Variants in DDAH1 observed in about 807,000 individuals in gnomAD.
DDAH1 encodes the protein dimethylarginine dimethylaminohydrolase 1.
In DDAH1, 19 loss-of-function variants were observed where a neutral mutation model predicts 28.8. The ratio of observed to expected loss-of-function variants is 0.66; its 90% CI spans 0.46 to 0.97. DDAH1 has a LOEUF of 0.97. Among genes scored for constraint, DDAH1 ranks in the 50% least tolerant of loss-of-function variants. DDAH1 has a pLI of 0.00. For synonymous variants in DDAH1, 153 were observed against 154.4 expected, an observed-to-expected ratio of 0.99 and a Z score of 0.07; for missense variants, 326 against 375.9, an observed-to-expected ratio of 0.87 and a Z score of 1.10.
At chr1:85,485,008 T>C (rs1656155183) in intron 2 of DDAH1, among the ~76,000 whole-genome samples, 1 of 152,268 alleles carries the variant, frequency 6.6e-6, no homozygotes, top group African/African-American at 2.4e-5. Context: ...TACTGTGTGC[T>C]ATGGATAGCA....
At chr1:85,520,276 A>G (rs1657636177) in intron 1 of DDAH1, among the ~76,000 whole-genome samples, 1 of 152,234 alleles carries the variant, frequency 6.6e-6, no homozygotes. Flanking sequence ...CATATAAAAT[A>G]TTTTGAATAT....
intron 1 of DDAH1, among the ~76,000 whole-genome samples, chr1:85,373,270 T>G (rs1274909818): frequency 6.6e-6 from 1 of 152,170 alleles, no homozygotes; most frequent in Non-Finnish European, 1.5e-5. Context: ...CAGGGCACAA[T>G]GTAACATACT....
At chr1:85,448,125 T>C (rs1378042345) in intron 1 of DDAH1, 1 of 152,364 alleles carries the variant, frequency 6.6e-6, no homozygotes, top group Non-Finnish European at 1.5e-5. Context: ...TCTTAAAACA[T>C]TAGGAGATTT....
At chr1:85,364,864 C>A (rs1232511861) in intron 1 of DDAH1, among the ~76,000 whole-genome samples, 1 of 152,152 alleles carries the variant, frequency 6.6e-6, no homozygotes, top group Non-Finnish European at 1.5e-5. Flanking sequence ...ACTACTAAAA[C>A]TAGCCAAAAC....
Position 85,464,489 on chromosome 1 carries a change from C to T in DDAH1, c.303+254G>A, listed in dbSNP as rs1457045775. ...TGCCCGTGAGACGGAATCCCCCGCC[C>T]ACCCACCTGCCCGAGACCGTACAAC... is the stretch of plus-strand genomic sequence containing the variant. On this transcript the variant is annotated intron_variant, in intron 1 of 5. Transcript: ENST00000284031. The surrounding 1 kb of genome is among the most constrained non-coding windows in gnomAD (Gnocchi z 4.4). 2.0e-6 allele frequency: 3 copies of T among 1,524,760 alleles called. No individual in the cohort carries two copies. Among genetic ancestry groups the T allele is most frequent in the Admixed American group, 2.0e-5 (1 of 50,564 alleles). 94.5% of individuals were successfully genotyped at this position (1,524,760 alleles called of 1,614,324 possible).
intron 1 of DDAH1, among the ~76,000 whole-genome samples, chr1:85,405,620 C>T (rs1171854053): frequency 9.4e-6 from 1 of 106,464 alleles, no homozygotes; most frequent in Non-Finnish European, 2.0e-5. Context: ...TTGGCTGGAT[C>T]TAAAAAGTGC....
At chr1:85,510,421 C>A (rs140817284) in intron 1 of DDAH1, among the ~76,000 whole-genome samples, 1 of 152,186 alleles carries the variant, frequency 6.6e-6, no homozygotes, top group Non-Finnish European at 1.5e-5. Context: ...ACCATTGATG[C>A]TATGAAGAAA....
At chr1:85,458,424 C>CTTTTTTTTTTTTTTTTTTTTTTTT (rs3058826) in intron 1 of DDAH1, among the ~76,000 whole-genome samples, 1 of 101,760 alleles carries the variant, frequency 9.8e-6, no homozygotes, top group Non-Finnish European at 1.9e-5. Flanking sequence ...TACACACACA[C>CTTTTTTTTTTTTTTTTTTTTTTTT]TTTTTTTTTT....
intron 1 of DDAH1, chr1:85,379,859 G>T (rs749478265): frequency 2.5e-4 from 71 of 288,688 alleles, no homozygotes; most frequent in Non-Finnish European, 3.2e-4. Context: ...CACTGGAAAG[G>T]ATCTTGAACC....
chr1:85,516,253 A>G (rs1479698975), intron 1 of DDAH1, among the ~76,000 whole-genome samples: 1 of 151,904 alleles, frequency 6.6e-6, no homozygotes, highest in Non-Finnish European at 1.5e-5. Context: ...GTGATAGAAC[A>G]GATACATACT....
chr1:85,508,805 C>G (rs578096159), intron 1 of DDAH1, among the ~76,000 whole-genome samples: 48 of 152,342 alleles, frequency 3.2e-4, no homozygotes, highest in African/African-American at 1.1e-3. Context: ...AGTAGGTAAA[C>G]AAAGCGGCCA....
At chr1:85,530,443 G>T (rs1208910399) in intron 1 of DDAH1, among the ~76,000 whole-genome samples, 1 of 151,710 alleles carries the variant, frequency 6.6e-6, no homozygotes, top group East Asian at 2.0e-4. Flanking sequence ...AATGTTACAG[G>T]TTGAAATGTG....
At chr1:85,480,994 T>A (rs1178067099) in intron 2 of DDAH1, among the ~76,000 whole-genome samples, 2 of 151,770 alleles carry the variant, frequency 1.3e-5, no homozygotes, top group Non-Finnish European at 2.9e-5. Flanking sequence ...AGAAGTGGGA[T>A]TATAGGTGAT....
At chr1:85,411,989 G>A (rs375960513) in intron 1 of DDAH1, among the ~76,000 whole-genome samples, 12 of 152,162 alleles carry the variant, frequency 7.9e-5, no homozygotes, top group East Asian at 5.8e-4. Flanking sequence ...TAGAACTTCC[G>A]TCTAAATTAT....
At chr1:85,548,891 G>A (rs1176346705) in intron 1 of DDAH1, among the ~76,000 whole-genome samples, 1 of 152,120 alleles carries the variant, frequency 6.6e-6, no homozygotes, top group African/African-American at 2.4e-5. Flanking sequence ...AATGAAACAG[G>A]TCTCCTTATT....
intron 1 of DDAH1, among the ~76,000 whole-genome samples, chr1:85,436,895 C>G (rs1048387018): frequency 6.6e-6 from 1 of 152,208 alleles, no homozygotes; most frequent in Non-Finnish European, 1.5e-5. Context: ...GGAGACACTA[C>G]TCAAGCAAGG....
At chr1:85,576,032 G>A (rs1246381298) in intron 1 of DDAH1, 1 of 150,750 alleles carries the variant, frequency 6.6e-6, no homozygotes, top group Non-Finnish European at 1.5e-5. Context: ...TGCACGTTGT[G>A]CACATGTACC....
At chr1:85,333,362 A>G (rs1222418960) in intron 4 of DDAH1, among the ~76,000 whole-genome samples, 1 of 152,350 alleles carries the variant, frequency 6.6e-6, no homozygotes, top group East Asian at 1.9e-4. Context: ...AAAAAATTGG[A>G]GGAAGTGACT....
At chr1:85,470,477 T>A (rs1359614574) in intron 2 of DDAH1, among the ~76,000 whole-genome samples, 1 of 152,140 alleles carries the variant, frequency 6.6e-6, no homozygotes, top group Non-Finnish European at 1.5e-5. Context: ...AAGATGAGAT[T>A]TGGGTGGGGA....
Sources: allele counts gnomAD v4.1 joint callset (sites outside exome capture counted in the v4.1 genomes callset), GRCh38; gene constraint gnomAD v4.1.1; non-coding constraint Gnocchi (gnomAD v3.1); transcripts MANE v1.5; gene names NCBI Gene and HGNC (gene_info 2026-07-23, HGNC 2026-07-21).